USP14: variants seen among roughly 807,000 people sequenced by gnomAD.
USP14 encodes the protein ubiquitin specific peptidase 14.
Under a neutral mutation model 76.5 loss-of-function variants are expected in USP14, and 38 were observed. That is an observed-to-expected ratio of 0.50 (90% confidence interval 0.38 to 0.65). The LOEUF (loss-of-function observed/expected upper bound fraction) is 0.65, where lower values mean the gene tolerates loss of function less well. USP14 is among the 30% of genes least tolerant of loss of function. The pLI is 0.00. For missense variants in USP14, 467 were observed against 586.5 expected, an observed-to-expected ratio of 0.80 and a Z score of 2.10; for synonymous variants, 192 against 191.7, an observed-to-expected ratio of 1.00 and a Z score of -0.01.
intron 10 of USP14, among the ~76,000 whole-genome samples, chr18:199,924 C>T (rs1409373456): frequency 6.6e-6 from 1 of 152,184 alleles, no homozygotes; most frequent in East Asian, 1.9e-4. Context: ...AACATAATTA[C>T]CGTGACTAAC....
intron 1 of USP14, among the ~76,000 whole-genome samples, chr18:162,809 T>A (rs2144205900): frequency 6.6e-6 from 1 of 152,152 alleles, no homozygotes; most frequent in East Asian, 1.9e-4. Flanking sequence ...TTTCTTTTTT[T>A]TTTTTTGAGA....
rs200586446 is a variant in USP14, at chr18:209,772, A to AT, written c.1165-195dup. Among the ~76,000 whole-genome samples, 831 of 152,220 alleles carry AT rather than the reference A, an allele frequency of 5.5e-3. 2 individuals carry two copies. Among genetic ancestry groups the AT allele is most frequent in the African/African-American group, 0.018 (765 of 41,520 alleles). ...GTGTCTGTTACTGTACTGTAACAAG[A>AT]TTTTATATTGTTGAAGTGTAGGACT... On this transcript the variant is annotated intron_variant, in intron 13 of 15. Coordinates refer to ENST00000261601, the MANE Select transcript of USP14 (RefSeq NM_005151.4).
At position 184,328 on chromosome 18, in the gene USP14, A is replaced by G. The variant is rs532878991; in HGVS notation, c.404+3989A>G. Among the ~76,000 whole-genome samples the G allele has an allele frequency of 3.3e-3, 505 of 152,292 alleles. 5 individuals carry two copies. Among genetic ancestry groups the G allele is most frequent in the Middle Eastern group, 0.017 (5 of 294 alleles). On this transcript the variant is annotated intron_variant, in intron 5 of 15. Coordinates refer to ENST00000261601, the MANE Select transcript of USP14 (RefSeq NM_005151.4). The stretch of plus-strand genomic sequence containing the variant: ...TGGATGGTGGTATGTCTTTGGAAAA[A>G]TGGCACTAACTGATAAAACAAGAAT...
intron 6 of USP14, among the ~76,000 whole-genome samples, chr18:194,787 C>T (rs1465946471): frequency 1.3e-5 from 2 of 151,964 alleles, no homozygotes; most frequent in East Asian, 1.9e-4. Flanking sequence ...AAAAATTAGC[C>T]GGGTGTGTTG....
rs1598276398 is a variant in USP14, at chr18:196,543, T to A, written c.464-94T>A. 10 of 1,395,610 alleles carry A rather than the reference T, an allele frequency of 7.2e-6. No homozygotes were observed. The Admixed American group carries it at 1.2e-4, about 17-fold the overall frequency. 86.5% of individuals were successfully genotyped at this position (1,395,610 alleles called of 1,614,324 possible). ...CATCTCAAAAAAAAAAAAAATTAAG[T>A]AAGTTTTTGTTTGTATTAATTAAAA... is the stretch of plus-strand genomic sequence containing the variant. On this transcript the variant is annotated intron_variant, in intron 6 of 15. Transcript: ENST00000261601.
intron 6 of USP14, among the ~76,000 whole-genome samples, chr18:196,354 TA>T (rs976511160): frequency 5.7e-4 from 80 of 141,238 alleles, no homozygotes; most frequent in Admixed American, 7.8e-4. Context: ...CCATCTCTAC[TA>T]AAAAAAAAAA....
Position 163,338 on chromosome 18 carries a change from A to G in USP14, c.47A>G (p.Glu16Gly). The G allele has an allele frequency of 6.2e-7, 1 of 1,610,504 alleles. No homozygotes were observed. Among genetic ancestry groups the G allele is most frequent in the Non-Finnish European group, 8.5e-7 (1 of 1,178,486 alleles). Reference sequence around the variant, plus strand: ...GTAAAATGGGGAAAGGAGAAATTTGAAGGTGTAGAATTGAATACAGATGAA... The same window carrying G: ...GTAAAATGGGGAAAGGAGAAATTTGGAGGTGTAGAATTGAATACAGATGAA... Reference protein sequence around the residue: ...VTVKWGKEKFEGVELNTDEPP... With the variant: ...VTVKWGKEKFGGVELNTDEPP... The change falls in exon 2 of 16, where the codon GAA (glutamate) becomes GGA (glycine). Residue 16 changes from glutamate to glycine, a missense_variant. Transcript: ENST00000261601.
At chr18:178,479 A>T (rs894686547) in intron 3 of USP14, among the ~76,000 whole-genome samples, 2 of 152,186 alleles carry the variant, frequency 1.3e-5, no homozygotes, top group Non-Finnish European at 2.9e-5. Context: ...ATTTATATAG[A>T]GTAAAATTCA....
Position 161,537 on chromosome 18 carries a change from T to C in USP14, c.17-1771T>C, listed in dbSNP as rs1402900147. On this transcript the variant is annotated intron_variant, in intron 1 of 15. Coordinates refer to ENST00000261601, the MANE Select transcript of USP14 (RefSeq NM_005151.4). ...TTCCACTTTGTTGCTGTAGCCTTTG[T>C]AATACTTACATAGTTAATTACTCTA... Among the ~76,000 whole-genome samples the C allele has an allele frequency of 2.0e-5, 3 of 152,218 alleles. No homozygotes were observed. In the East Asian group the frequency reaches 5.8e-4, roughly 29 times the overall value.
chr18:204,266 C>A (rs935230549), intron 12 of USP14, among the ~76,000 whole-genome samples: 6 of 150,274 alleles, frequency 4.0e-5, no homozygotes, highest in African/African-American at 1.5e-4. Flanking sequence ...TCCAATATTT[C>A]TGAGATGTTT....
Position 176,824 on chromosome 18 carries a change from A to G in USP14, c.196-2109A>G, listed in dbSNP as rs1314388381. On this transcript the variant is annotated intron_variant, in intron 3 of 15. Coordinates refer to ENST00000261601, the MANE Select transcript of USP14 (RefSeq NM_005151.4). Reference sequence around the variant, plus strand: ...TGGTATGGTATGAAGTAGAGAGCTGATAGTATGTTTTTTCTAAAGTATACA... The same window carrying G: ...TGGTATGGTATGAAGTAGAGAGCTGGTAGTATGTTTTTTCTAAAGTATACA... Among the ~76,000 whole-genome samples, 2 of 152,086 alleles carry G rather than the reference A, an allele frequency of 1.3e-5. 1 individual carries two copies. The highest frequency in any genetic ancestry group is 2.9e-5 in the Non-Finnish European group (2 of 67,996).
chr18:163,332 A>G lies in USP14; in HGVS notation c.41A>G (p.Lys14Arg). ...YSVTVKWGKE[K>R]FEGVELNTDE... Reference sequence around the variant, plus strand: ...GTTACTGTAAAATGGGGAAAGGAGAAATTTGAAGGTGTAGAATTGAATACA... The same window carrying G: ...GTTACTGTAAAATGGGGAAAGGAGAGATTTGAAGGTGTAGAATTGAATACA... The change falls in exon 2 of 16, where the codon AAA (lysine) becomes AGA (arginine). Residue 14 changes from lysine to arginine, a missense_variant. Transcript: ENST00000261601. 1 of 1,609,620 alleles carries G rather than the reference A, an allele frequency of 6.2e-7. No homozygotes were observed. The highest frequency in any genetic ancestry group is 8.5e-7 in the Non-Finnish European group (1 of 1,178,418).
chr18:189,675 G>T (rs1910033531), intron 5 of USP14, among the ~76,000 whole-genome samples: 1 of 152,044 alleles, frequency 6.6e-6, no homozygotes, highest in Admixed American at 6.6e-5. Context: ...TAGAGACAGG[G>T]TTTCATCATG....
intron 5 of USP14, among the ~76,000 whole-genome samples, chr18:190,506 AAC>A (rs1331584273): frequency 6.6e-6 from 1 of 152,160 alleles, no homozygotes; most frequent in African/African-American, 2.4e-5. Flanking sequence ...TGGATTTAGA[AAC>A]ACATATATGA....
intron 3 of USP14, among the ~76,000 whole-genome samples, chr18:175,022 C>T (rs1909589411): frequency 6.6e-6 from 1 of 152,226 alleles, no homozygotes; most frequent in African/African-American, 2.4e-5. Context: ...ATCCTTCTGC[C>T]TTGAGCTCCC....
intron 1 of USP14, among the ~76,000 whole-genome samples, chr18:162,087 G>T (rs964216829): frequency 6.6e-6 from 1 of 152,064 alleles, no homozygotes; most frequent in Non-Finnish European, 1.5e-5. Flanking sequence ...CCTTTTTAAG[G>T]TTGAATAATA....
chr18:190,183 T>C (rs1910048401), intron 5 of USP14, among the ~76,000 whole-genome samples: 1 of 152,220 alleles, frequency 6.6e-6, no homozygotes, highest in Non-Finnish European at 1.5e-5. Context: ...TTATTATCCA[T>C]TCTTCTGTTG....
chr18:184,810 T>C (rs1368974181), intron 5 of USP14, among the ~76,000 whole-genome samples: 1 of 151,924 alleles, frequency 6.6e-6, no homozygotes, highest in African/African-American at 2.4e-5. Flanking sequence ...TGTATAATGA[T>C]GGAGGGTAGA....
intron 3 of USP14, among the ~76,000 whole-genome samples, chr18:170,977 G>T (rs989799784): frequency 7.5e-6 from 1 of 132,986 alleles, no homozygotes; most frequent in African/African-American, 2.9e-5. Context: ...TGTGTAACAA[G>T]CATGCACATC....
Sources: gnomAD v4.1 joint callset for allele counts (sites outside exome capture counted in the v4.1 genomes callset) on GRCh38, gnomAD v4.1.1 for gene constraint, MANE v1.5 for transcripts, NCBI Gene and HGNC (gene_info 2026-07-23, HGNC 2026-07-21) for gene names.